The following NAV2 variants were observed in gnomAD, a reference collection of about 807,000 sequenced individuals.
NAV2 encodes the protein helicase, APC down-regulated 1.
A neutral mutation model predicts 223.2 loss-of-function variants in NAV2; 54 were observed. That is an observed-to-expected ratio of 0.24 (90% CI 0.19 to 0.30). The LOEUF is 0.30. NAV2 is among the 10% of genes least tolerant of loss of function. The probability of loss-of-function intolerance (pLI) is 1.00; values close to 1 mark genes in which losing one functional copy is unlikely to be tolerated. For missense variants in NAV2, 2,806 were observed against 3,147.5 expected (o/e 0.89, Z 2.60); for synonymous variants, 1,279 against 1,239.3 (o/e 1.03, Z -0.67).
chr11:20,033,864 C>A (rs973028069), intron 11 of NAV2, among the ~76,000 whole-genome samples: 5 of 152,212 alleles, frequency 3.3e-5, no homozygotes, highest in African/African-American at 1.2e-4. Context: ...AAAATCTCAA[C>A]CACTCAGCAT....
chr11:19,576,659 T>G (rs2045579664), intron 1 of NAV2, among the ~76,000 whole-genome samples: 1 of 152,240 alleles, frequency 6.6e-6, no homozygotes, highest in Admixed American at 6.5e-5. Context: ...TGCCTGGAAA[T>G]TTCAAAGATC....
chr11:19,371,235 C>G (rs759010965), intron 1 of NAV2, among the ~76,000 whole-genome samples: 3 of 152,030 alleles, frequency 2.0e-5, no homozygotes, highest in Non-Finnish European at 2.9e-5. Flanking sequence ...AAGGTAGATA[C>G]TGTTTATTAT....
chr11:19,860,204 GC>G (rs574898729), intron 3 of NAV2, among the ~76,000 whole-genome samples: 10,506 of 144,760 alleles, frequency 0.073, 463 homozygotes, highest in Admixed American at 0.11. Flanking sequence ...CGGGGTGGCT[GC>G]CGGGCGGAGA....
At chr11:19,675,585 TA>T (rs2048692774) in intron 1 of NAV2, among the ~76,000 whole-genome samples, 1 of 152,212 alleles carries the variant, frequency 6.6e-6, no homozygotes. Context: ...AGGTGTTCAA[TA>T]AATACCTGTG....
chr11:19,784,748 C>T (rs1401183653), intron 1 of NAV2, among the ~76,000 whole-genome samples: 2 of 152,242 alleles, frequency 1.3e-5, no homozygotes, highest in African/African-American at 4.8e-5. Context: ...TTGGAATAGT[C>T]ATTTAACCTC....
intron 3 of NAV2, among the ~76,000 whole-genome samples, chr11:19,854,548 G>C (rs929566803): frequency 3.9e-5 from 6 of 152,136 alleles, no homozygotes; most frequent in African/African-American, 1.4e-4. Context: ...GGTGTGGGCT[G>C]TTTGTCACAA....
intron 1 of NAV2, among the ~76,000 whole-genome samples, chr11:19,790,850 A>G (rs1278395921): frequency 7.9e-5 from 12 of 151,860 alleles, no homozygotes; most frequent in Non-Finnish European, 7.4e-5. Flanking sequence ...TGCCACTTCC[A>G]GGGAAGAACT....
chr11:19,485,218 T>G (rs1246758374), intron 1 of NAV2, among the ~76,000 whole-genome samples: 7 of 152,124 alleles, frequency 4.6e-5, no homozygotes, highest in Admixed American at 4.6e-4. Flanking sequence ...TTTCCCTGCT[T>G]GGTGATGTCT....
At chr11:19,450,868 C>T (rs1440824419) in intron 1 of NAV2, among the ~76,000 whole-genome samples, 1 of 152,138 alleles carries the variant, frequency 6.6e-6, no homozygotes, top group Non-Finnish European at 1.5e-5. Flanking sequence ...CTGAAGCCTC[C>T]TCATTGAAGC....
chr11:19,371,435 G>A (rs552925126), intron 1 of NAV2, among the ~76,000 whole-genome samples: 1 of 152,108 alleles, frequency 6.6e-6, no homozygotes, highest in African/African-American at 2.4e-5. Context: ...GAAGCAACTT[G>A]CCCGAGACCC....
intron 1 of NAV2, among the ~76,000 whole-genome samples, chr11:19,553,175 G>A (rs1185748495): frequency 6.6e-6 from 1 of 152,188 alleles, no homozygotes; most frequent in Non-Finnish European, 1.5e-5. Flanking sequence ...TTCTTTCAAT[G>A]CATAGCCCCA....
intron 10 of NAV2, among the ~76,000 whole-genome samples, chr11:19,951,839 A>G (rs932088050): frequency 1.2e-4 from 19 of 152,370 alleles, no homozygotes; most frequent in African/African-American, 4.6e-4. Context: ...GATAGCACTT[A>G]GAGCAAGTGT....
chr11:19,759,147 A>G (rs981418989), intron 1 of NAV2, among the ~76,000 whole-genome samples: 2 of 127,616 alleles, frequency 1.6e-5, no homozygotes, highest in African/African-American at 6.1e-5. Flanking sequence ...CAGTGGCACA[A>G]TCTCAGCTCA....
rs377293765 is a variant in NAV2 at position 20,077,170 on chromosome 11, C to CA, written c.4984-379dup. 3.3e-3 allele frequency among the ~76,000 whole-genome samples: 509 copies of CA among 152,244 alleles called. 5 individuals are homozygous for CA. The highest frequency in any genetic ancestry group is 0.012 in the African/African-American group (491 of 41,550). On this transcript the variant is annotated intron_variant, in intron 22 of 37. Coordinates refer to ENST00000349880, the MANE Select transcript of NAV2 (RefSeq NM_145117.5). ...GCATGTATTTTTAACTATGATATCT[C>CA]AAAGTGTATATCAGAAGTACAGTTT... is the stretch of plus-strand genomic sequence containing the variant.
chr11:20,027,398 C>CG (rs10710883), intron 11 of NAV2: 28 of 985,058 alleles, frequency 2.8e-5, no homozygotes, highest in South Asian at 9.4e-5. Flanking sequence ...AGCTGTCTGG[C>CG]GGGGGGCATG....
intron 6 of NAV2, among the ~76,000 whole-genome samples, chr11:19,904,179 T>A (rs1472770412): frequency 6.6e-6 from 1 of 152,218 alleles, no homozygotes; most frequent in Non-Finnish European, 1.5e-5. Context: ...AATAAATGAT[T>A]CTCTCCCTTA....
intron 6 of NAV2, among the ~76,000 whole-genome samples, chr11:19,914,759 T>A (rs1286416198): frequency 6.6e-6 from 1 of 151,872 alleles, no homozygotes; most frequent in Non-Finnish European, 1.5e-5. Context: ...TTAGCCAGGA[T>A]GGTCTCGATC....
At chr11:19,930,952 G>T (rs1229834540) in intron 6 of NAV2, among the ~76,000 whole-genome samples, 2 of 152,200 alleles carry the variant, frequency 1.3e-5, no homozygotes, top group Non-Finnish European at 2.9e-5. Context: ...AAGTGCTCTT[G>T]TTGTTTAAGT....
chr11:20,077,238 G>A (rs532055537), intron 22 of NAV2, among the ~76,000 whole-genome samples: 9 of 152,222 alleles, frequency 5.9e-5, no homozygotes, highest in African/African-American at 1.2e-4. Flanking sequence ...AGTACGAGCC[G>A]AGAGCTCTTT....
Sources: gnomAD v4.1 joint callset for allele counts (sites outside exome capture counted in the v4.1 genomes callset) on GRCh38, gnomAD v4.1.1 for gene constraint, MANE v1.5 for transcripts, NCBI Gene and HGNC (gene_info 2026-07-23, HGNC 2026-07-21) for gene names.